The following MYO9B variants were observed in gnomAD, a reference collection of about 807,000 sequenced individuals.
MYO9B encodes unconventional myosin-IXb.
In MYO9B, 71 loss-of-function variants were observed where a neutral mutation model predicts 229.5. The observed-to-expected ratio is 0.31, with a 90% CI of 0.26 to 0.38. The LOEUF (loss-of-function observed/expected upper bound fraction) is 0.38. MYO9B is among the 10% of genes least tolerant of loss of function. MYO9B has a pLI of 1.00. For missense variants in MYO9B, 2,255 were observed against 2,920.5 expected (o/e 0.77, Z 5.25); for synonymous variants, 1,185 against 1,235.8 (o/e 0.96, Z 0.86).
intron 1 of MYO9B, among the ~76,000 whole-genome samples, chr19:17,082,388 A>G (rs1271019516): frequency 6.6e-6 from 1 of 152,124 alleles, no homozygotes; most frequent in African/African-American, 2.4e-5. Flanking sequence ...CGAGGTGGGC[A>G]CCGCTGCTTC....
intron 2 of MYO9B, 31 bp from the exon 3 acceptor site, chr19:17,145,366 G>C: frequency 1.9e-6 from 3 of 1,586,502 alleles, no homozygotes; most frequent in Non-Finnish European, 2.6e-6. Flanking sequence ...CCACCCTCCT[G>C]ATCTGAAACC....
chr19:17,079,179 C>T (rs949904089), intron 1 of MYO9B, among the ~76,000 whole-genome samples: 2 of 152,218 alleles, frequency 1.3e-5, no homozygotes, highest in African/African-American at 2.4e-5. Flanking sequence ...ACCTGGTTCC[C>T]CTCTAGGGCC....
chr19:17,186,197 C>T (rs1383670291), intron 18 of MYO9B, among the ~76,000 whole-genome samples, 196 bp downstream of exon 18: 1 of 152,132 alleles, frequency 6.6e-6, no homozygotes, highest in Non-Finnish European at 1.5e-5. Flanking sequence ...TCATCTGGAA[C>T]ATGGAGAGGC....
intron 3 of MYO9B, among the ~76,000 whole-genome samples, chr19:17,148,699 T>C (rs1388012507): frequency 6.6e-6 from 1 of 152,164 alleles, no homozygotes; most frequent in African/African-American, 2.4e-5. Flanking sequence ...TTCTTGTGCC[T>C]CAGTCTCCCA....
At chr19:17,132,276 C>T (rs1280339098) in intron 2 of MYO9B, among the ~76,000 whole-genome samples, 20 of 143,146 alleles carry the variant, frequency 1.4e-4, no homozygotes, top group African/African-American at 5.2e-4. Context: ...ACCTCCACCT[C>T]CTGGGTTCAA....
intron 18 of MYO9B, among the ~76,000 whole-genome samples, chr19:17,187,170 G>A (rs980495669): frequency 2.0e-5 from 3 of 152,166 alleles, no homozygotes; most frequent in Admixed American, 6.6e-5. Flanking sequence ...GCATCTCCCT[G>A]TGTCCCCATC....
At chr19:17,117,648 G>C (rs767152283) in intron 2 of MYO9B, among the ~76,000 whole-genome samples, 7 of 152,076 alleles carry the variant, frequency 4.6e-5, no homozygotes, top group Non-Finnish European at 7.4e-5. Flanking sequence ...TGTCATTACA[G>C]TATTCTCAGC....
chr19:17,099,846 G>A (rs1433066886), intron 1 of MYO9B, among the ~76,000 whole-genome samples: 2 of 148,862 alleles, frequency 1.3e-5, no homozygotes, highest in Admixed American at 6.8e-5. Context: ...GGCCGGGTGC[G>A]GTAGCTCATG....
Position 17,198,389 on chromosome 19 carries a change from C to T in MYO9B, c.4238+81C>T, listed in dbSNP as rs1305586804. The T allele has an allele frequency of 3.8e-6, 6 of 1,565,608 alleles. No individual in the cohort carries two copies. The African/African-American group carries it at 8.2e-5, about 21-fold the overall frequency. On this transcript the variant is annotated intron_variant, in intron 24 of 39. Coordinates refer to ENST00000682292, the MANE Select transcript of MYO9B (RefSeq NM_004145.4). ...CCAGGGCCTCGCAGCAGTGTGGCCT[C>T]CTAAACCAATCACGTTTACAAAGCA...
At chr19:17,170,068 A>T (rs1163682959) in intron 11 of MYO9B, among the ~76,000 whole-genome samples, 3 of 150,396 alleles carry the variant, frequency 2.0e-5, no homozygotes, top group Non-Finnish European at 4.4e-5. Flanking sequence ...CTGCTTAAAA[A>T]TTTTTTTTTG....
Position 17,184,892 on chromosome 19 carries a change from C to T in MYO9B, c.2401C>T (p.Leu801Phe), listed in dbSNP as rs913821218. 1 of 1,613,806 alleles carries T rather than the reference C, an allele frequency of 6.2e-7. No homozygotes were observed. Among genetic ancestry groups the T allele is most frequent in the Non-Finnish European group, 8.5e-7 (1 of 1,179,850 alleles). The change falls in exon 17 of 40, where the codon CTC becomes TTC. Residue 801 changes from leucine (L) to phenylalanine (F), a missense_variant. This residue lies in a region of MYO9B where 155 missense variants were observed against 159.1 expected (regional missense o/e 0.97). Transcript: ENST00000682292. ...KNLLDSKSLK[L>F]IISMTLHDRT... ...CCTACTGGACTCCAAGTCCCTGAAA[C>T]TCATCATCAGCATGACTCTGCACGA... is the stretch of plus-strand genomic sequence containing the variant.
chr19:17,197,860 TAAC>T lies in MYO9B; in HGVS notation c.4113+10_4113+12del, dbSNP rs1350765308. ...CTCCCGTCCCTGGCCAAGGCTCAGGTAACAACAACACGGCAAAACCCCGTCTCC... is the reference window on the plus strand; with the variant it reads ...CTCCCGTCCCTGGCCAAGGCTCAGGTAACAACACGGCAAAACCCCGTCTCC... On this transcript the variant is annotated splice_donor_5th_base_variant and intron_variant, in intron 23 of 39. Coordinates refer to ENST00000682292, the MANE Select transcript of MYO9B (RefSeq NM_004145.4). 3.2e-5 allele frequency: 52 copies of T among 1,612,752 alleles called. 1 individual carries two copies. Among genetic ancestry groups the T allele is most frequent in the Non-Finnish European group, 4.2e-5 (50 of 1,179,824 alleles).
At chr19:17,197,445 T>TACATAGATACATAGATAGATAGATAGAC (rs1555704423) in intron 22 of MYO9B, among the ~76,000 whole-genome samples, 1 of 151,062 alleles carries the variant, frequency 6.6e-6, no homozygotes, top group African/African-American at 2.5e-5. Flanking sequence ...GATAGATAGA[T>TACATAGATACATAGATAGATAGATAGAC]AGATACATAG....
intron 11 of MYO9B, among the ~76,000 whole-genome samples, chr19:17,168,577 G>A (rs2072686306): frequency 6.6e-6 from 1 of 152,224 alleles, no homozygotes; most frequent in Non-Finnish European, 1.5e-5. Flanking sequence ...TGATTAATTC[G>A]TGCACTTGAG....
intron 1 of MYO9B, among the ~76,000 whole-genome samples, chr19:17,100,971 C>T (rs774972268): frequency 6.6e-6 from 1 of 150,668 alleles, no homozygotes; most frequent in Non-Finnish European, 1.5e-5. Flanking sequence ...TCGTCTTCTG[C>T]TTGGGGAGCT....
chr19:17,190,060 G>A (rs1253313987), intron 19 of MYO9B, among the ~76,000 whole-genome samples: 3 of 81,896 alleles, frequency 3.7e-5, no homozygotes, highest in African/African-American at 8.5e-5. Flanking sequence ...ACAAGACTCC[G>A]TCTCAAAAAA....
chr19:17,209,900 CG>C (rs946512740), intron 36 of MYO9B, among the ~76,000 whole-genome samples, 191 bp downstream of exon 36: 1 of 151,944 alleles, frequency 6.6e-6, no homozygotes, highest in Non-Finnish European at 1.5e-5. Context: ...GGTAGCAGGG[CG>C]GGGCCTCCCT....
intron 1 of MYO9B, among the ~76,000 whole-genome samples, chr19:17,093,704 G>GGT (rs2057661412): frequency 8.0e-6 from 1 of 124,436 alleles, no homozygotes; most frequent in Non-Finnish European, 1.8e-5. Context: ...GGGGGGGGGG[G>GGT]TGGTTTGAGA....
At chr19:17,109,095 TTCTC>T (rs947115899) in intron 2 of MYO9B, among the ~76,000 whole-genome samples, 2 of 149,026 alleles carry the variant, frequency 1.3e-5, no homozygotes, top group Non-Finnish European at 3.0e-5. Flanking sequence ...GAAACAGAGT[TTCTC>T]TCTGTCTCCG....
Sources: allele counts gnomAD v4.1 joint callset (sites outside exome capture counted in the v4.1 genomes callset), GRCh38; gene constraint gnomAD v4.1.1; regional missense constraint gnomAD v4.1.1; transcripts MANE v1.5; gene names NCBI Gene and HGNC (gene_info 2026-07-23, HGNC 2026-07-21).